Variants in DTNA observed in about 807,000 individuals in gnomAD.
DTNA encodes the protein dystrophin-related protein 3.
Under a neutral mutation model 100.7 loss-of-function variants are expected in DTNA, and 43 were observed. That is an observed-to-expected ratio of 0.43 (90% confidence interval 0.33 to 0.55). DTNA has a LOEUF of 0.55. DTNA is among the 20% of genes least tolerant of loss of function. DTNA has a pLI of 0.04. For synonymous variants in DTNA, 349 were observed against 347.9 expected (o/e 1.00, Z -0.04); for missense variants, 798 against 953.9 (o/e 0.84, Z 2.15).
intron 1 of DTNA, among the ~76,000 whole-genome samples, chr18:34,653,630 C>T (rs2073943661): frequency 1.3e-5 from 2 of 152,060 alleles, no homozygotes; most frequent in South Asian, 4.1e-4. Flanking sequence ...TGAGACCAGC[C>T]TGGTCAACGT....
At chr18:34,757,059 C>G (rs2148262844) in intron 2 of DTNA, 1 of 152,298 alleles carries the variant, frequency 6.6e-6, no homozygotes, top group South Asian at 2.1e-4. Flanking sequence ...CCCCAATAAT[C>G]TGGTGGTACC....
At chr18:34,552,809 G>T (rs897471385) in intron 1 of DTNA, among the ~76,000 whole-genome samples, 30 of 147,848 alleles carry the variant, frequency 2.0e-4, no homozygotes, top group African/African-American at 7.3e-4. Flanking sequence ...CCAAGTCTTT[G>T]CTATGGTGAA....
In DTNA at chr18:34,737,632, G is replaced by T. The variant is rs1263719248; in HGVS notation, c.-1-18344G>T. Among the ~76,000 whole-genome samples the T allele has an allele frequency of 2.0e-5, 3 of 152,148 alleles. No individual in the cohort carries two copies. In the East Asian group the frequency reaches 5.8e-4, roughly 29 times the overall value. On this transcript the variant is annotated intron_variant, in intron 1 of 22. Transcript: ENST00000444659. ...AGCCCTTCCAGGTCAAATCTTCCAAGTCTTTAGTCGCTCTCCCTCTCCGAT... is the reference window on the plus strand; with the variant it reads ...AGCCCTTCCAGGTCAAATCTTCCAATTCTTTAGTCGCTCTCCCTCTCCGAT...
At chr18:34,815,881 T>A in intron 6 of DTNA, 28 bp from the exon 7 acceptor site, 2 of 1,595,102 alleles carry the variant, frequency 1.3e-6, no homozygotes, top group Non-Finnish European at 1.7e-6. Flanking sequence ...TTCTCTGTCC[T>A]AAATTTATGG....
intron 3 of DTNA, 84 bp downstream of exon 3, chr18:34,766,125 G>A: frequency 7.0e-7 from 1 of 1,425,210 alleles, no homozygotes; most frequent in Non-Finnish European, 9.8e-7. Context: ...ACTAGATTCT[G>A]TTACAAATAT....
In DTNA at chr18:34,825,142, C is replaced by G. The variant is rs891358711; in HGVS notation, c.1002-2451C>G. 35 of 1,317,078 alleles carry G rather than the reference C, an allele frequency of 2.7e-5. No homozygotes were observed. The African/African-American group carries it at 4.9e-4, about 19-fold the overall frequency. The allele number at this position is 1,317,078 out of a possible 1,614,324, so 81.6% of individuals were successfully genotyped here. A position where few individuals can be genotyped will look rare whatever the true frequency, so the allele number is the denominator to read the frequency against. ...AGGTGCTGCCAGTCATGAATTAGTC[C>G]TTAAATAGAAATGAGCAGGTGGTGA... is the stretch of plus-strand genomic sequence containing the variant. On this transcript the variant is annotated intron_variant, in intron 9 of 22. Transcript: ENST00000444659.
chr18:34,514,307 G>T (rs1028983170), intron 1 of DTNA, among the ~76,000 whole-genome samples: 3 of 152,050 alleles, frequency 2.0e-5, no homozygotes, highest in African/African-American at 4.8e-5. Context: ...CTGGTTGTTG[G>T]GGGGAGTGAA....
intron 9 of DTNA, chr18:34,825,189 G>T (rs1366190691): frequency 1.3e-6 from 2 of 1,590,554 alleles, no homozygotes; most frequent in African/African-American, 2.7e-5. Context: ...TTTGACATTT[G>T]TTCTTAGCTA....
In DTNA at chr18:34,601,846, C is replaced by A. The variant is rs146469985; in HGVS notation, c.-2+108332C>A. 1.9e-3 allele frequency among the ~76,000 whole-genome samples: 290 copies of A among 152,284 alleles called. 2 individuals carry two copies. The highest frequency in any genetic ancestry group is 6.8e-3 in the African/African-American group (283 of 41,548). On this transcript the variant is annotated intron_variant, in intron 1 of 19. Coordinates refer to the DTNA transcript ENST00000283365. ...CCACTCAGGGAGTCCTGCCCATAAA[C>A]AGTTTTGGGAAGTGTAAGGAGACTC...
intron 1 of DTNA, among the ~76,000 whole-genome samples, chr18:34,581,034 A>G (rs930700027): frequency 6.6e-6 from 1 of 152,176 alleles, no homozygotes; most frequent in African/African-American, 2.4e-5. Flanking sequence ...TCACGAGGTC[A>G]GGAAATTGAG....
At chr18:34,613,756 G>A (rs1171759294) in intron 1 of DTNA, among the ~76,000 whole-genome samples, 1 of 152,200 alleles carries the variant, frequency 6.6e-6, no homozygotes, top group Non-Finnish European at 1.5e-5. Flanking sequence ...TGGTTCATGA[G>A]GTTGAAAGAA....
At chr18:34,781,231 C>T (rs1365949855) in intron 3 of DTNA, among the ~76,000 whole-genome samples, 1 of 152,122 alleles carries the variant, frequency 6.6e-6, no homozygotes, top group African/African-American at 2.4e-5. Context: ...CACTATTTTT[C>T]ATGGGCTTTT....
chr18:34,795,320 C>A (rs2094924367), intron 4 of DTNA, among the ~76,000 whole-genome samples: 1 of 152,306 alleles, frequency 6.6e-6, no homozygotes, highest in East Asian at 1.9e-4. Context: ...ATCGTTCCTG[C>A]TCAGTTTTTC....
chr18:34,603,293 TAATTA>T (rs943757295), intron 1 of DTNA, among the ~76,000 whole-genome samples: 1 of 152,034 alleles, frequency 6.6e-6, no homozygotes, highest in African/African-American at 2.4e-5. Flanking sequence ...ATTGTATTAA[TAATTA>T]AAAGTGCAAT....
In DTNA at chr18:34,794,078, G is replaced by A; in HGVS notation, c.190G>A (p.Glu64Lys). The change falls in exon 4 of 23, where the codon GAA becomes AAA. Residue 64 changes from glutamate (E) to lysine (K), a missense_variant. Around this residue, in one of 6 missense-constraint regions of DTNA, gnomAD observed 197 missense variants for 215.4 expected, o/e 0.91. Transcript: ENST00000444659. ...DIWNVIEALR[E>K]NALNNLDPNT... is the part of the protein sequence containing the mutation. The stretch of plus-strand genomic sequence containing the variant: ...ATGGAATGTCATAGAAGCATTGCGG[G>A]AAAATGCTCTGAACAACCTGGACCC... 6.2e-7 allele frequency: 1 copy of A among 1,614,076 alleles called. No homozygotes were observed. The highest frequency in any genetic ancestry group is 8.5e-7 in the Non-Finnish European group (1 of 1,180,008).
At chr18:34,652,828 C>T (rs1280985368) in intron 1 of DTNA, among the ~76,000 whole-genome samples, 1 of 152,142 alleles carries the variant, frequency 6.6e-6, no homozygotes, top group East Asian at 1.9e-4. Context: ...TTCTAGGTGG[C>T]CAAGTCCAGG....
intron 1 of DTNA, among the ~76,000 whole-genome samples, chr18:34,704,232 G>A (rs1445557141): frequency 6.6e-6 from 1 of 152,128 alleles, no homozygotes. Flanking sequence ...CTTGCCCACT[G>A]ACTACATAAT....
At chr18:34,618,103 A>G (rs1377359492) in intron 1 of DTNA, among the ~76,000 whole-genome samples, 1 of 152,174 alleles carries the variant, frequency 6.6e-6, no homozygotes, top group Middle Eastern at 3.2e-3. Context: ...AGTAGTTCAG[A>G]TTGTTAATTT....
At chr18:34,868,518 G>A (rs1039655528) in intron 17 of DTNA, 1 of 985,390 alleles carries the variant, frequency 1.0e-6, no homozygotes, top group East Asian at 1.1e-4. Context: ...TTATTTATGA[G>A]TGTTTCTCCC....
Sources: gnomAD v4.1 joint callset for allele counts (sites outside exome capture counted in the v4.1 genomes callset) on GRCh38, gnomAD v4.1.1 for gene constraint, gnomAD v4.1.1 regional missense constraint, MANE v1.5 for transcripts, NCBI Gene and HGNC (gene_info 2026-07-23, HGNC 2026-07-21) for gene names.